Variants in SRPK2 observed in about 807,000 individuals in gnomAD.
SRPK2 encodes the protein SRSF protein kinase 2.
Under a neutral mutation model 90.8 loss-of-function variants are expected in SRPK2, and 21 were observed. That is an observed-to-expected ratio of 0.23 (90% CI 0.16 to 0.33). The LOEUF (loss-of-function observed/expected upper bound fraction) is 0.33. SRPK2 is among the 10% of genes least tolerant of loss of function. SRPK2 has a pLI of 1.00. For missense variants in SRPK2, 620 were observed against 869.0 expected, an observed-to-expected ratio of 0.71 and a Z score of 3.60; for synonymous variants, 288 against 311.1, an observed-to-expected ratio of 0.93 and a Z score of 0.78.
At chr7:105,325,095 A>C (rs1170798283) in intron 2 of SRPK2, among the ~76,000 whole-genome samples, 1 of 152,162 alleles carries the variant, frequency 6.6e-6, no homozygotes, top group African/African-American at 2.4e-5. Flanking sequence ...GCAGCAGTCA[A>C]CATCCTTAAA....
At chr7:105,388,942 G>C (rs1822004389), upstream of SRPK2, 1 of 1,180,490 alleles carries the variant, frequency 8.5e-7, no homozygotes, top group Non-Finnish European at 1.0e-6. Context: ...CGCCGCCGCC[G>C]CTCCAGCAGG....
At position 105,276,757 on chromosome 7, in the gene SRPK2, C is replaced by T. The variant is rs555358533; in HGVS notation, c.72-72972G>A. 5.3e-5 allele frequency among the ~76,000 whole-genome samples: 8 copies of T among 152,106 alleles called. 1 individual carries two copies. The highest frequency in any genetic ancestry group is 4.2e-4 in the South Asian group (2 of 4,808). On this transcript the variant is annotated intron_variant, in intron 2 of 15. Coordinates refer to ENST00000393651, the MANE Select transcript of SRPK2 (RefSeq NM_182692.3). The stretch of plus-strand genomic sequence containing the variant: ...TGTCTGAAAAGAAAAGAAACAAATA[C>T]GTGTTAAGGTTGCCTGAAATGACAG...
chr7:105,373,953 A>G (rs994093824), intron 2 of SRPK2, among the ~76,000 whole-genome samples: 2 of 151,984 alleles, frequency 1.3e-5, no homozygotes, highest in Admixed American at 1.3e-4. Context: ...TTTGAGATGG[A>G]GTCTTGCTCT....
chr7:105,286,881 T>C (rs1324962840), intron 2 of SRPK2, among the ~76,000 whole-genome samples: 3 of 152,052 alleles, frequency 2.0e-5, no homozygotes, highest in East Asian at 1.9e-4. Flanking sequence ...ACAAAGATGT[T>C]TGTCACATTG....
intron 3 of SRPK2, among the ~76,000 whole-genome samples, chr7:105,198,574 A>C (rs2129608618): frequency 6.6e-6 from 1 of 152,298 alleles, no homozygotes. Context: ...AAGGAAACAC[A>C]CCCAACATGA....
chr7:105,396,810 GAA>G (rs754741680), intron 1 of SRPK2, among the ~76,000 whole-genome samples: 240 of 81,838 alleles, frequency 2.9e-3, no homozygotes, highest in Non-Finnish European at 5.6e-3. Flanking sequence ...GAGAAAGAAA[GAA>G]AGAGAGAAAG....
At chr7:105,288,818 CAT>C (rs1808537421) in intron 2 of SRPK2, among the ~76,000 whole-genome samples, 2 of 152,032 alleles carry the variant, frequency 1.3e-5, no homozygotes, top group African/African-American at 4.8e-5. Context: ...AGGAGGAAGA[CAT>C]GTGCTAAAGA....
chr7:105,334,860 T>C (rs1364549162), intron 2 of SRPK2, among the ~76,000 whole-genome samples: 3 of 141,206 alleles, frequency 2.1e-5, no homozygotes, highest in Non-Finnish European at 4.6e-5. Flanking sequence ...AAAAAAAAAA[T>C]TAATTAACTT....
chr7:105,301,928 C>T lies in SRPK2; in HGVS notation c.71+86720G>A, dbSNP rs1282452388. 7 of 1,609,344 alleles carry T rather than the reference C, an allele frequency of 4.3e-6. No individual in the cohort carries two copies. The East Asian group carries it at 1.3e-4, about 31-fold the overall frequency. On this transcript the variant is annotated intron_variant, in intron 2 of 15. Coordinates refer to ENST00000393651, the MANE Select transcript of SRPK2 (RefSeq NM_182692.3). ...CTCAATTGAAACTCCTAATACAGCC[C>T]CATCAAGTAAGAAAAAAGACAAAAA...
In SRPK2 at chr7:105,294,466, C is replaced by T. The variant is rs558216347; in HGVS notation, c.72-90681G>A. Among the ~76,000 whole-genome samples, 10 of 152,174 alleles carry T rather than the reference C, an allele frequency of 6.6e-5. 1 individual carries two copies. The South Asian group carries it at 1.0e-3, about 16-fold the overall frequency. On this transcript the variant is annotated intron_variant, in intron 2 of 15. Transcript: ENST00000393651. Reference sequence around the variant, plus strand: ...CTACCATCCCTTGTGAGGTTTGAAACGAAGGGAAAGCTATGCCTGGATCTT... The same window carrying T: ...CTACCATCCCTTGTGAGGTTTGAAATGAAGGGAAAGCTATGCCTGGATCTT...
At chr7:105,280,385 T>C (rs1201375153) in intron 2 of SRPK2, among the ~76,000 whole-genome samples, 1 of 150,934 alleles carries the variant, frequency 6.6e-6, no homozygotes, top group African/African-American at 2.4e-5. Context: ...ATCACACCAC[T>C]GCATGCCATC....
At chr7:105,333,039 C>G (rs908847693) in intron 2 of SRPK2, 1 of 151,940 alleles carries the variant, frequency 6.6e-6, no homozygotes, top group Non-Finnish European at 1.5e-5. Context: ...ACTAAAAATA[C>G]AAAAATTAGC....
chr7:105,300,768 CTCA>C (rs1217758371), intron 2 of SRPK2, among the ~76,000 whole-genome samples: 1 of 152,078 alleles, frequency 6.6e-6, no homozygotes, highest in Non-Finnish European at 1.5e-5. Context: ...TGAAAAAATG[CTCA>C]TCATCACTAG....
intron 2 of SRPK2, among the ~76,000 whole-genome samples, chr7:105,289,949 C>T (rs897460834): frequency 6.6e-6 from 1 of 151,974 alleles, no homozygotes; most frequent in Non-Finnish European, 1.5e-5. Context: ...ACTGTTGTGT[C>T]GCAGGAAGTA....
At chr7:105,157,523 T>C (rs1806696480) in intron 7 of SRPK2, among the ~76,000 whole-genome samples, 1 of 152,156 alleles carries the variant, frequency 6.6e-6, no homozygotes, top group Non-Finnish European at 1.5e-5. Flanking sequence ...CTTGAACAAC[T>C]TACTACACTG....
At chr7:105,299,192 T>A (rs528255575) in intron 2 of SRPK2, among the ~76,000 whole-genome samples, 49 of 152,296 alleles carry the variant, frequency 3.2e-4, no homozygotes, top group Non-Finnish European at 6.5e-4. Flanking sequence ...GGCCACACAG[T>A]CTCACCATCC....
At chr7:105,165,991 C>A (rs1790007085) in intron 6 of SRPK2, among the ~76,000 whole-genome samples, 1 of 152,090 alleles carries the variant, frequency 6.6e-6, no homozygotes, top group Non-Finnish European at 1.5e-5. Flanking sequence ...ACACTCACTG[C>A]AAGGTCCGCA....
At position 105,167,401 on chromosome 7, in the gene SRPK2, T is replaced by C; in HGVS notation, c.490A>G (p.Lys164Glu). 6.2e-7 allele frequency: 1 copy of C among 1,613,844 alleles called. No individual in the cohort carries two copies. ...CGTATCCCATTCATGCCTGAAATCT[T>C]GAAGTCGTCAATGAGCTGGACCACC... The part of the protein sequence containing the change: ...DMVVQLIDDF[K>E]ISGMNGIHVC... The change falls in exon 6 of 16, where the codon AAG (lysine) becomes GAG (glutamate). Residue 164 changes from lysine (K) to glutamate (E), a missense_variant. Physicochemically the swap from Lys to Glu is moderately conservative, Grantham distance 56 (BLOSUM62 1). This residue lies in a region of SRPK2 where 196 missense variants were observed against 339.2 expected (regional missense o/e 0.58). Coordinates refer to ENST00000393651, the MANE Select transcript of SRPK2 (RefSeq NM_182692.3).
Position 105,331,074 on chromosome 7 carries a change from G to A in SRPK2, c.71+57574C>T, listed in dbSNP as rs866644321. 7.9e-5 allele frequency among the ~76,000 whole-genome samples: 12 copies of A among 151,814 alleles called. 1 individual carries two copies. Among genetic ancestry groups the A allele is most frequent in the Middle Eastern group, 6.8e-3 (2 of 292 alleles). ...CCCAGCACTTTGGGAGGCCGAGGTAGGTGGTTCACTTGAGGTCAGGAGTTT... is the reference window on the plus strand; with the variant it reads ...CCCAGCACTTTGGGAGGCCGAGGTAAGTGGTTCACTTGAGGTCAGGAGTTT... On this transcript the variant is annotated intron_variant, in intron 2 of 15. Coordinates refer to ENST00000393651, the MANE Select transcript of SRPK2 (RefSeq NM_182692.3).
Sources: allele counts gnomAD v4.1 joint callset (sites outside exome capture counted in the v4.1 genomes callset), GRCh38; gene constraint gnomAD v4.1.1; regional missense constraint gnomAD v4.1.1; transcripts MANE v1.5; gene names NCBI Gene and HGNC (gene_info 2026-07-23, HGNC 2026-07-21).